Variants in OCA2 observed in about 807,000 individuals in gnomAD.
The protein encoded by OCA2 is P protein.
A neutral mutation model predicts 100.2 loss-of-function variants in OCA2; 77 were observed. That is an observed-to-expected ratio of 0.77 (90% CI 0.64 to 0.93). The LOEUF is 0.93. OCA2 is among the 40% of genes least tolerant of loss of function. The pLI, the probability that OCA2 is intolerant of heterozygous loss-of-function variation, is 0.00. For missense variants in OCA2, 1,062 were observed against 1,089.1 expected, an observed-to-expected ratio of 0.98 and a Z score of 0.35; for synonymous variants, 432 against 439.2, an observed-to-expected ratio of 0.98 and a Z score of 0.21.
intron 23 of OCA2, among the ~76,000 whole-genome samples, chr15:27,824,008 G>C (rs1482173429): frequency 1.3e-5 from 2 of 152,202 alleles, no homozygotes; most frequent in African/African-American, 4.8e-5. Flanking sequence ...GAACCTAGCT[G>C]TTCTACTATC....
At chr15:27,750,544 T>C (rs1053381507), downstream of OCA2, among the ~76,000 whole-genome samples, 20 of 152,340 alleles carry the variant, frequency 1.3e-4, no homozygotes, top group Admixed American at 1.2e-3. Context: ...TAGCATTCCC[T>C]GCAAGAGAAT....
At chr15:27,767,260 C>T (rs372064303) in intron 23 of OCA2, among the ~76,000 whole-genome samples, 5 of 152,060 alleles carry the variant, frequency 3.3e-5, no homozygotes, top group African/African-American at 1.2e-4. Context: ...CTTTGACTGG[C>T]CTAAAGAGTT....
chr15:27,959,109 G>A (rs1445459416), intron 15 of OCA2, among the ~76,000 whole-genome samples: 1 of 152,232 alleles, frequency 6.6e-6, no homozygotes, highest in African/African-American at 2.4e-5. Flanking sequence ...AATGCGCAGA[G>A]CCTGGGAGCA....
At chr15:27,760,208 A>G (rs2030721649) in intron 23 of OCA2, among the ~76,000 whole-genome samples, 1 of 152,050 alleles carries the variant, frequency 6.6e-6, no homozygotes, top group African/African-American at 2.4e-5. Context: ...ACTGAATGAA[A>G]ATGGAGCATC....
At chr15:28,062,117 A>G (rs1245923860) in intron 2 of OCA2, among the ~76,000 whole-genome samples, 4 of 152,248 alleles carry the variant, frequency 2.6e-5, no homozygotes, top group Non-Finnish European at 5.9e-5. Flanking sequence ...TGGCAACTCC[A>G]TGCTGAACAG....
chr15:27,744,266 T>C, the OCA2 span, among the ~76,000 whole-genome samples: 1 of 152,186 alleles, frequency 6.6e-6, no homozygotes, highest in Non-Finnish European at 1.5e-5. Flanking sequence ...CAAAAGTTGA[T>C]AAATTCATTA....
intron 17 of OCA2, among the ~76,000 whole-genome samples, chr15:27,954,596 A>G (rs1234793560): frequency 6.6e-6 from 1 of 152,194 alleles, no homozygotes; most frequent in African/African-American, 2.4e-5. Context: ...ACTGAGATGC[A>G]AATGACTCCT....
At chr15:27,882,351 C>T (rs1595569855) in intron 19 of OCA2, among the ~76,000 whole-genome samples, 1 of 152,160 alleles carries the variant, frequency 6.6e-6, no homozygotes, top group Non-Finnish European at 1.5e-5. Context: ...ACCCATCAAG[C>T]AACTCTTTTT....
intron 21 of OCA2, among the ~76,000 whole-genome samples, chr15:27,863,417 C>T (rs1427133231): frequency 1.3e-5 from 2 of 152,194 alleles, no homozygotes; most frequent in Non-Finnish European, 2.9e-5. Context: ...ACAAGTCCTC[C>T]TGATGGGCCG....
chr15:27,824,224 T>C (rs987166335), intron 23 of OCA2, among the ~76,000 whole-genome samples: 2 of 151,938 alleles, frequency 1.3e-5, no homozygotes, highest in African/African-American at 4.8e-5. Context: ...AAAAATTAGC[T>C]GGGCATGGTG....
intron 1 of OCA2, among the ~76,000 whole-genome samples, chr15:28,094,586 CAG>C (rs1417243464): frequency 6.6e-6 from 1 of 152,222 alleles, no homozygotes; most frequent in Non-Finnish European, 1.5e-5. Context: ...ATAGATGGTT[CAG>C]AGTCGGTGGA....
intron 14 of OCA2, among the ~76,000 whole-genome samples, chr15:27,977,435 T>A (rs1375373777): frequency 6.6e-6 from 1 of 152,172 alleles, no homozygotes; most frequent in Non-Finnish European, 1.5e-5. Flanking sequence ...GCCATATCCA[T>A]TCATTTATGT....
rs1293440352 is a variant in OCA2, at chr15:27,955,142, A to G, written c.1842+16T>C. ...AGAAGTGAATCAGAAATCCCTGAGG[A>G]AAGAAAGCTGGGTACCTTTTTTTGG... On this transcript the variant is annotated intron_variant, in intron 17 of 23. Coordinates refer to ENST00000354638, the MANE Select transcript of OCA2 (RefSeq NM_000275.3). 2.5e-6 allele frequency: 4 copies of G among 1,595,734 alleles called. No homozygotes were observed. The highest frequency in any genetic ancestry group is 3.3e-5 in the Admixed American group (2 of 60,012).
the OCA2 span, among the ~76,000 whole-genome samples, chr15:27,738,720 C>CAAAAA: frequency 3.3e-4 from 47 of 142,694 alleles, no homozygotes; most frequent in African/African-American, 1.1e-3. Flanking sequence ...GACTCGGTCT[C>CAAAAA]AGAAAAAAAA....
At chr15:28,014,490 A>C (rs1005759568) in intron 9 of OCA2, among the ~76,000 whole-genome samples, 2 of 152,164 alleles carry the variant, frequency 1.3e-5, no homozygotes, top group Admixed American at 1.3e-4. Context: ...TCACACTTGG[A>C]GTGAGCAGCG....
At chr15:27,916,108 G>C (rs566066634) in intron 19 of OCA2, among the ~76,000 whole-genome samples, 1 of 152,232 alleles carries the variant, frequency 6.6e-6, no homozygotes, top group East Asian at 1.9e-4. Flanking sequence ...ACCAAATACT[G>C]CATGTTTTCA....
chr15:27,751,689 G>T (rs1226469120), downstream of OCA2, among the ~76,000 whole-genome samples: 5 of 152,210 alleles, frequency 3.3e-5, no homozygotes, highest in Non-Finnish European at 7.3e-5. Flanking sequence ...CAGCACAGCT[G>T]CAGGTATCCC....
chr15:27,795,820 G>A (rs891496708), intron 23 of OCA2, among the ~76,000 whole-genome samples: 1 of 152,184 alleles, frequency 6.6e-6, no homozygotes, highest in Non-Finnish European at 1.5e-5. Flanking sequence ...ACTCTTAGCG[G>A]TATGTCTCCA....
chr15:27,969,319 C>A (rs897952396), intron 14 of OCA2, among the ~76,000 whole-genome samples: 3 of 152,028 alleles, frequency 2.0e-5, no homozygotes, highest in African/African-American at 4.8e-5. Flanking sequence ...ACTAGACTTG[C>A]GATGGGTGGA....
Sources: gnomAD v4.1 joint callset for allele counts (sites outside exome capture counted in the v4.1 genomes callset) on GRCh38, gnomAD v4.1.1 for gene constraint, MANE v1.5 for transcripts, NCBI Gene and HGNC (gene_info 2026-07-23, HGNC 2026-07-21) for gene names.